SH3GL2: variants seen among roughly 807,000 people sequenced by gnomAD.
SH3GL2 encodes the protein SH3 domain containing GRB2 like 2, endophilin A1, also known as endophilin-A1.
In SH3GL2, 24 loss-of-function variants were observed where a neutral mutation model predicts 46.0. The observed-to-expected ratio is 0.52, with a 90% CI of 0.38 to 0.73. SH3GL2 has a LOEUF of 0.73. Ranked by LOEUF, SH3GL2 falls within the 30% of genes least tolerant of loss-of-function variation. The pLI is 0.00. For synonymous variants in SH3GL2, 196 were observed against 147.1 expected (o/e 1.33, Z -2.40); for missense variants, 413 against 424.2 (o/e 0.97, Z 0.23).
chr9:17,697,595 G>C (rs943666749), intron 1 of SH3GL2, among the ~76,000 whole-genome samples: 1 of 152,098 alleles, frequency 6.6e-6, no homozygotes. Flanking sequence ...ATAACCTGAG[G>C]AATGCAAAGC....
At chr9:17,663,020 A>G (rs1407326025) in intron 1 of SH3GL2, among the ~76,000 whole-genome samples, 1 of 152,194 alleles carries the variant, frequency 6.6e-6, no homozygotes. Flanking sequence ...TCCTTTTTAA[A>G]TAAACCTCTT....
At chr9:17,653,869 G>T in intron 1 of SH3GL2, 2 of 982,028 alleles carry the variant, frequency 2.0e-6, no homozygotes, top group Non-Finnish European at 2.4e-6. Flanking sequence ...TTAACAAGGG[G>T]CTGATGCAGA....
At position 17,656,784 on chromosome 9, in the gene SH3GL2, A is replaced by AAG. The variant is rs1318035222; in HGVS notation, c.45+77498_45+77499insGA. Among the ~76,000 whole-genome samples, 240 of 151,222 alleles carry AAG rather than the reference A, an allele frequency of 1.6e-3. 2 individuals are homozygous for AAG. The highest frequency in any genetic ancestry group is 5.5e-3 in the African/African-American group (227 of 41,382). ...AGACTACATCTCAAAAAAAAAAAAAAAAACAAAAAAGGCTTTTCTATGGGA... is the reference window on the plus strand; with the variant it reads ...AGACTACATCTCAAAAAAAAAAAAAAAGAAACAAAAAAGGCTTTTCTATGGGA... On this transcript the variant is annotated intron_variant, in intron 1 of 8. Coordinates refer to ENST00000380607, the MANE Select transcript of SH3GL2 (RefSeq NM_003026.5).
intron 1 of SH3GL2, among the ~76,000 whole-genome samples, chr9:17,738,626 T>TTTTATA (rs58272546): frequency 0.12 from 8,908 of 74,698 alleles, 664 homozygotes; most frequent in South Asian, 0.15. Flanking sequence ...TCATGTGATT[T>TTTTATA]TATATATATA....
chr9:17,582,184 A>G (rs1486433853), intron 1 of SH3GL2, among the ~76,000 whole-genome samples: 1 of 152,226 alleles, frequency 6.6e-6, no homozygotes, highest in Non-Finnish European at 1.5e-5. Context: ...TATTTTCAAT[A>G]TGTTTACAAT....
intron 1 of SH3GL2, among the ~76,000 whole-genome samples, chr9:17,631,711 C>G (rs1819430740): frequency 6.6e-6 from 1 of 152,090 alleles, no homozygotes; most frequent in Non-Finnish European, 1.5e-5. Flanking sequence ...TTTATTCTCC[C>G]CACATCCCAT....
chr9:17,599,999 T>G (rs112336501), intron 1 of SH3GL2, among the ~76,000 whole-genome samples: 3 of 152,236 alleles, frequency 2.0e-5, no homozygotes, highest in African/African-American at 7.2e-5. Context: ...ATTAGGACAC[T>G]TTGTCATTTT....
At chr9:17,674,532 C>T (rs1820559075) in intron 1 of SH3GL2, among the ~76,000 whole-genome samples, 1 of 152,086 alleles carries the variant, frequency 6.6e-6, no homozygotes, top group Non-Finnish European at 1.5e-5. Context: ...TCCCAAAGTG[C>T]TGGGATTACA....
chr9:17,789,708 G>A, intron 6 of SH3GL2, 158 bp downstream of exon 6: 1 of 1,369,820 alleles, frequency 7.3e-7, no homozygotes, highest in Non-Finnish European at 9.5e-7. Flanking sequence ...CAGTCATAAA[G>A]TAGACTGAGA....
chr9:17,682,441 C>G (rs970170434), intron 1 of SH3GL2, among the ~76,000 whole-genome samples: 1 of 152,052 alleles, frequency 6.6e-6, no homozygotes, highest in African/African-American at 2.4e-5. Context: ...CCATCATCCT[C>G]AGCAAACTCA....
At chr9:17,722,248 T>G (rs1189915469) in intron 1 of SH3GL2, among the ~76,000 whole-genome samples, 1 of 152,072 alleles carries the variant, frequency 6.6e-6, no homozygotes, top group Non-Finnish European at 1.5e-5. Flanking sequence ...TAAATATGAT[T>G]ATGAAAATCT....
At chr9:17,732,125 T>C (rs1279184596) in intron 1 of SH3GL2, among the ~76,000 whole-genome samples, 2 of 152,134 alleles carry the variant, frequency 1.3e-5, no homozygotes, top group African/African-American at 4.8e-5. Flanking sequence ...TTTTTGGACT[T>C]CATCATATTC....
At chr9:17,699,649 C>G (rs10963216) in intron 1 of SH3GL2, among the ~76,000 whole-genome samples, 12,058 of 152,270 alleles carry the variant, frequency 0.079, 634 homozygotes, top group Admixed American at 0.14. Flanking sequence ...GTAGTGCTTG[C>G]TTTTGATACT....
At chr9:17,639,096 T>C (rs1032256758) in intron 1 of SH3GL2, among the ~76,000 whole-genome samples, 1 of 152,270 alleles carries the variant, frequency 6.6e-6, no homozygotes, top group Admixed American at 6.5e-5. Context: ...GTATGAATTC[T>C]AAATTGTAAG....
chr9:17,720,342 G>C (rs928203163), intron 1 of SH3GL2, among the ~76,000 whole-genome samples: 5 of 152,112 alleles, frequency 3.3e-5, no homozygotes, highest in Admixed American at 1.3e-4. Context: ...GAGTTCGACT[G>C]AGCAAAGAAT....
intron 2 of SH3GL2, among the ~76,000 whole-genome samples, chr9:17,749,026 C>G (rs1398100365): frequency 6.6e-6 from 1 of 152,158 alleles, no homozygotes; most frequent in African/African-American, 2.4e-5. Context: ...TGAGATAGAC[C>G]TCACTGATGG....
intron 1 of SH3GL2, among the ~76,000 whole-genome samples, chr9:17,654,761 T>G (rs1274672023): frequency 1.3e-5 from 2 of 152,156 alleles, no homozygotes; most frequent in South Asian, 2.1e-4. Flanking sequence ...TGAGAACACA[T>G]TATCACGTGA....
At chr9:17,757,420 A>G (rs200127174) in intron 2 of SH3GL2, among the ~76,000 whole-genome samples, 1 of 152,148 alleles carries the variant, frequency 6.6e-6, no homozygotes, top group Non-Finnish European at 1.5e-5. Flanking sequence ...TCTGACAAAG[A>G]GCTAATATCC....
intron 1 of SH3GL2, among the ~76,000 whole-genome samples, chr9:17,714,378 A>G (rs990879282): frequency 2.6e-5 from 4 of 151,684 alleles, no homozygotes; most frequent in African/African-American, 7.2e-5. Context: ...TCATATCTTT[A>G]GGTTTAAACC....
Sources: gnomAD v4.1 joint callset for allele counts (sites outside exome capture counted in the v4.1 genomes callset) on GRCh38, gnomAD v4.1.1 for gene constraint, MANE v1.5 for transcripts, NCBI Gene and HGNC (gene_info 2026-07-23, HGNC 2026-07-21) for gene names.